SERPINE2: variants seen among roughly 807,000 people sequenced by gnomAD.
SERPINE2 encodes serpin family E member 2.
SERPINE2 carries 14 observed loss-of-function variants against 36.3 expected under a neutral mutation model. The observed-to-expected ratio is 0.39, with a 90% CI of 0.25 to 0.60. The LOEUF is 0.60. SERPINE2 is among the 20% of genes least tolerant of loss of function. The probability of loss-of-function intolerance (pLI) is 0.57; values close to 1 mark genes in which losing one functional copy is unlikely to be tolerated. For missense variants in SERPINE2, 418 were observed against 499.6 expected (o/e 0.84, Z 1.56); for synonymous variants, 192 against 191.8 (o/e 1.00, Z -0.01).
At chr2:224,023,082 G>A (rs1692066278) in intron 1 of SERPINE2, among the ~76,000 whole-genome samples, 4 of 152,192 alleles carry the variant, frequency 2.6e-5, no homozygotes, top group African/African-American at 7.2e-5. Flanking sequence ...AAATTACCCA[G>A]TCTGGGATAT....
chr2:224,017,487 A>G (rs1486822828), intron 1 of SERPINE2, among the ~76,000 whole-genome samples: 3 of 152,198 alleles, frequency 2.0e-5, no homozygotes, highest in Non-Finnish European at 4.4e-5. Context: ...GGGTGCTTGC[A>G]TAATTGTACA....
intron 1 of SERPINE2, among the ~76,000 whole-genome samples, chr2:224,015,082 G>A (rs1362675097): frequency 6.6e-6 from 1 of 152,074 alleles, no homozygotes; most frequent in Non-Finnish European, 1.5e-5. Flanking sequence ...GCATCTGCTA[G>A]GTGGGGGGAG....
chr2:223,998,054 G>A (rs1690962595), intron 3 of SERPINE2, 61 bp downstream of exon 3: 1 of 1,360,378 alleles, frequency 7.4e-7, no homozygotes, highest in Non-Finnish European at 1.1e-6. Context: ...TTGAACCCTG[G>A]AGTCTAACTC....
At chr2:223,995,905 T>C (rs1292709896) in intron 3 of SERPINE2, among the ~76,000 whole-genome samples, 1 of 152,258 alleles carries the variant, frequency 6.6e-6, no homozygotes, top group East Asian at 1.9e-4. Context: ...CCCAAGGGTT[T>C]ACCTATTGAA....
intron 1 of SERPINE2, among the ~76,000 whole-genome samples, chr2:224,004,619 T>G (rs534822541): frequency 6.6e-6 from 1 of 152,158 alleles, no homozygotes; most frequent in African/African-American, 2.4e-5. Context: ...TCATTCCATC[T>G]AAAAACTAGA....
In SERPINE2 at chr2:223,992,526, GA is replaced by G. The variant is rs1371572434; in HGVS notation, c.488-527del. Among the ~76,000 whole-genome samples the G allele has an allele frequency of 2.6e-5, 4 of 152,088 alleles. No individual in the cohort carries two copies. In the East Asian group the frequency reaches 7.7e-4, roughly 29 times the overall value. On this transcript the variant is annotated intron_variant, in intron 3 of 8. Transcript: ENST00000409304. ...ATGCTTCATTTCTCTTAAGATTTTA[GA>G]AACATCAAACATTATTTTGGAATCT...
intron 6 of SERPINE2, 58 bp from the exon 7 acceptor site, chr2:223,980,455 G>T: frequency 6.8e-7 from 1 of 1,460,104 alleles, no homozygotes. Context: ...CCATTGGTTG[G>T]TTGGGGAAGT....
At chr2:224,037,743 G>A (rs73992351) in intron 1 of SERPINE2, among the ~76,000 whole-genome samples, 1 of 152,230 alleles carries the variant, frequency 6.6e-6, no homozygotes, top group African/African-American at 2.4e-5. Flanking sequence ...TTTTTTTGGA[G>A]ACAGTACTTT....
chr2:224,013,457 C>G (rs772071938), intron 1 of SERPINE2, among the ~76,000 whole-genome samples: 6 of 152,176 alleles, frequency 3.9e-5, no homozygotes, highest in Non-Finnish European at 5.9e-5. Flanking sequence ...TAGCTGGGTC[C>G]TGCTCCCTTT....
chr2:223,979,787 T>C (rs915343894), intron 7 of SERPINE2: 1 of 152,680 alleles, frequency 6.5e-6, no homozygotes, highest in Admixed American at 6.5e-5. Flanking sequence ...TTGTTGTTTA[T>C]TTTATGTTCA....
chr2:224,009,014 T>G (rs1691524625), intron 1 of SERPINE2, among the ~76,000 whole-genome samples: 1 of 152,172 alleles, frequency 6.6e-6, no homozygotes, highest in South Asian at 2.1e-4. Flanking sequence ...AGGAGTCTGC[T>G]GGGCATTAAA....
At chr2:224,036,311 A>G (rs1175912485) in intron 1 of SERPINE2, among the ~76,000 whole-genome samples, 2 of 151,464 alleles carry the variant, frequency 1.3e-5, no homozygotes, top group East Asian at 1.9e-4. Flanking sequence ...GGAATAAGGA[A>G]AACCAGAAGG....
At chr2:223,992,226 C>A (rs1690701536) in intron 3 of SERPINE2, among the ~76,000 whole-genome samples, 1 of 151,966 alleles carries the variant, frequency 6.6e-6, no homozygotes, top group Admixed American at 6.6e-5. Flanking sequence ...CTTTAGAAAC[C>A]CCTAGCTAGG....
rs1426594038 is a variant in SERPINE2 at position 223,975,336 on chromosome 2, AC to A, written c.*530del. 1 of 152,696 alleles carries A rather than the reference AC, an allele frequency of 6.5e-6. No individual in the cohort carries two copies. The highest frequency in any genetic ancestry group is 1.9e-4 in the East Asian group (1 of 5,202). The allele number at this position is 152,696 out of a possible 1,614,324, so 9.5% of individuals were successfully genotyped here. On this transcript the variant is annotated 3_prime_UTR_variant, in exon 9 of 9. Transcript: ENST00000409304. ...ATTATATAAAACAACAACAACAACA[AC>A]AACAAAAACACAAAGAGGCTAGAGA...
intron 2 of SERPINE2, 166 bp downstream of exon 2, chr2:224,001,476 G>A: frequency 1.5e-6 from 1 of 684,328 alleles, no homozygotes; most frequent in Non-Finnish European, 2.4e-6. Flanking sequence ...CAGCACCACA[G>A]TGTTTGTTCT....
Position 223,985,199 on chromosome 2 carries a change from A to T in SERPINE2, c.686-249T>A, listed in dbSNP as rs928845244. Reference sequence around the variant, plus strand: ...TGAAATCACTTTAATTCTGTTAAGGAGAATTTAACTAAATCACAAAGTGCT... The same window carrying T: ...TGAAATCACTTTAATTCTGTTAAGGTGAATTTAACTAAATCACAAAGTGCT... On this transcript the variant is annotated intron_variant, in intron 4 of 8. Transcript: ENST00000409304. 217 of 506,704 alleles carry T rather than the reference A, an allele frequency of 4.3e-4. 1 individual carries two copies. The highest frequency in any genetic ancestry group is 5.2e-4 in the Middle Eastern group (1 of 1,940). 31.4% of individuals were successfully genotyped at this position (506,704 alleles called of 1,614,324 possible).
At chr2:224,020,903 A>C (rs1232351278) in intron 1 of SERPINE2, among the ~76,000 whole-genome samples, 1 of 152,158 alleles carries the variant, frequency 6.6e-6, no homozygotes, top group Non-Finnish European at 1.5e-5. Context: ...CCCACTCCTA[A>C]ATTTTAGCAC....
intron 1 of SERPINE2, among the ~76,000 whole-genome samples, chr2:224,007,407 T>C (rs1691464347): frequency 1.3e-5 from 2 of 152,224 alleles, no homozygotes; most frequent in African/African-American, 4.8e-5. Flanking sequence ...TATGCAAATA[T>C]TTAATACTCC....
At chr2:223,993,427 G>A (rs939461967) in intron 3 of SERPINE2, among the ~76,000 whole-genome samples, 1 of 150,224 alleles carries the variant, frequency 6.7e-6, no homozygotes, top group Non-Finnish European at 1.5e-5. Flanking sequence ...GGTCTTTGAA[G>A]GTTCAGTTGT....
Sources: allele counts gnomAD v4.1 joint callset (sites outside exome capture counted in the v4.1 genomes callset), GRCh38; gene constraint gnomAD v4.1.1; transcripts MANE v1.5; gene names NCBI Gene and HGNC (gene_info 2026-07-23, HGNC 2026-07-21).